The following TARBP1 variants were observed in gnomAD, a reference collection of about 807,000 sequenced individuals.
TARBP1 encodes the protein tRNA (guanosine(18)-2'-O)-methyltransferase TARBP1.
A neutral mutation model predicts 178.6 loss-of-function variants in TARBP1; 144 were observed. That is an observed-to-expected ratio of 0.81 (90% CI 0.70 to 0.93). The LOEUF is 0.93. TARBP1 is among the 40% of genes least tolerant of loss of function. The pLI is 0.00. For missense variants in TARBP1, 2,067 were observed against 2,011.7 expected, an observed-to-expected ratio of 1.03 and a Z score of -0.53; for synonymous variants, 787 against 781.0, an observed-to-expected ratio of 1.01 and a Z score of -0.13.
At chr1:234,463,071 C>A (rs577753489) in intron 6 of TARBP1, among the ~76,000 whole-genome samples, 1 of 152,076 alleles carries the variant, frequency 6.6e-6, no homozygotes, top group African/African-American at 2.4e-5. Context: ...ACATCTCCAA[C>A]CTGAAGATGG....
At chr1:234,392,956 T>C (rs12743891) in intron 28 of TARBP1, among the ~76,000 whole-genome samples, 1 of 152,178 alleles carries the variant, frequency 6.6e-6, no homozygotes. Flanking sequence ...CCTGAGCTTG[T>C]GATCCGCCCG....
chr1:234,409,963 C>T (rs1364734560), intron 23 of TARBP1, among the ~76,000 whole-genome samples: 1 of 152,128 alleles, frequency 6.6e-6, no homozygotes, highest in Non-Finnish European at 1.5e-5. Flanking sequence ...TTGTTCTAAA[C>T]CTGAGGAACA....
chr1:234,420,441 T>C (rs545193558), intron 21 of TARBP1, among the ~76,000 whole-genome samples: 6 of 152,120 alleles, frequency 3.9e-5, no homozygotes, highest in Non-Finnish European at 7.4e-5. Context: ...ACAGTTAAAA[T>C]GTCACATTAA....
Position 234,463,822 on chromosome 1 carries a change from T to G in TARBP1, c.1399+15A>C, listed in dbSNP as rs775118111. The G allele has an allele frequency of 1.4e-6, 2 of 1,467,842 alleles. No individual in the cohort carries two copies. The highest frequency in any genetic ancestry group is 2.9e-5 in the South Asian group (2 of 69,936). 90.9% of individuals were successfully genotyped at this position (1,467,842 alleles called of 1,614,324 possible). ...AGCTAAAGCATTTTTAAAAAAACCCTTTACTGACACATACTCTTTATTTCT... is the reference window on the plus strand; with the variant it reads ...AGCTAAAGCATTTTTAAAAAAACCCGTTACTGACACATACTCTTTATTTCT... On this transcript the variant is annotated intron_variant, in intron 6 of 29. Coordinates refer to ENST00000040877, the MANE Select transcript of TARBP1 (RefSeq NM_005646.4).
rs377225024 is a variant in TARBP1, at chr1:234,420,640, C to A, written c.3555+62G>T. ...TTAAAATAGTATATGATAGTTTCTG[C>A]AAAATAGTTCAGTCATGAAATCATA... On this transcript the variant is annotated intron_variant, in intron 21 of 29. Transcript: ENST00000040877. The A allele has an allele frequency of 5.5e-5, 59 of 1,081,530 alleles. No individual in the cohort carries two copies. The African/African-American group carries it at 7.8e-4, about 14-fold the overall frequency. 67.0% of individuals were successfully genotyped at this position (1,081,530 alleles called of 1,614,324 possible).
intron 21 of TARBP1, among the ~76,000 whole-genome samples, chr1:234,418,518 T>C (rs1444241791): frequency 1.3e-5 from 2 of 152,200 alleles, no homozygotes; most frequent in Non-Finnish European, 2.9e-5. Flanking sequence ...TGAATAACCC[T>C]CCCAAAGTCA....
chr1:234,408,059 C>T (rs1423998038), intron 23 of TARBP1: 3 of 152,158 alleles, frequency 2.0e-5, no homozygotes, highest in East Asian at 1.9e-4. Flanking sequence ...AGTGATCGCT[C>T]GGCTGGGGCT....
chr1:234,432,100 A>G (rs951142324), intron 14 of TARBP1, among the ~76,000 whole-genome samples: 1 of 148,414 alleles, frequency 6.7e-6, no homozygotes, highest in African/African-American at 2.5e-5. Flanking sequence ...GCACAACTGC[A>G]TTCCAGACTT....
chr1:234,444,541 G>A (rs1041628999), intron 12 of TARBP1, among the ~76,000 whole-genome samples: 7 of 152,018 alleles, frequency 4.6e-5, no homozygotes, highest in Admixed American at 2.6e-4. Context: ...GTGAATTCAC[G>A]ATCGCAACCT....
chr1:234,405,813 G>T, intron 24 of TARBP1, 90 bp downstream of exon 24: 1 of 1,255,514 alleles, frequency 8.0e-7, no homozygotes, highest in East Asian at 2.3e-5. Context: ...GGATGTGGAA[G>T]GAGAAGCTGA....
chr1:234,448,849 T>TA (rs1445010175), intron 10 of TARBP1, among the ~76,000 whole-genome samples: 4 of 152,170 alleles, frequency 2.6e-5, no homozygotes, highest in African/African-American at 9.7e-5. Context: ...TCATGGAATT[T>TA]AGAGTACAGG....
At chr1:234,402,458 G>A (rs898046865) in intron 24 of TARBP1, among the ~76,000 whole-genome samples, 6 of 152,078 alleles carry the variant, frequency 3.9e-5, no homozygotes, top group African/African-American at 1.4e-4. Context: ...AAAAGTTAAA[G>A]ACATGAAATA....
At chr1:234,395,357 A>C (rs1659820556) in intron 26 of TARBP1, among the ~76,000 whole-genome samples, 1 of 152,228 alleles carries the variant, frequency 6.6e-6, no homozygotes, top group African/African-American at 2.4e-5. Flanking sequence ...AAAACCATTA[A>C]GGGGCTTTTG....
intron 10 of TARBP1, 152 bp from the exon 11 acceptor site, chr1:234,448,731 T>C (rs1666436549): frequency 3.1e-6 from 2 of 638,262 alleles, no homozygotes; most frequent in Non-Finnish European, 5.4e-6. Flanking sequence ...CCCTAGAGCA[T>C]GGCTCATTAT....
intron 13 of TARBP1, among the ~76,000 whole-genome samples, chr1:234,435,559 G>A (rs1664926820): frequency 6.6e-6 from 1 of 152,190 alleles, no homozygotes; most frequent in East Asian, 1.9e-4. Flanking sequence ...AAAAGTAGTA[G>A]TTGAAAACAC....
rs1217303192 is a variant in TARBP1, at chr1:234,438,221, AT to A, written c.2135-850del. On this transcript the variant is annotated intron_variant, in intron 12 of 29. Transcript: ENST00000040877. ...AAGATTCAGAGTTTCATATTATAAT[AT>A]TCAAAACAGCTAGGATATAATCCAA... is the stretch of plus-strand genomic sequence containing the variant. 4.6e-5 allele frequency among the ~76,000 whole-genome samples: 7 copies of A among 152,350 alleles called. No individual in the cohort carries two copies. In the East Asian group the frequency reaches 1.4e-3, roughly 29 times the overall value.
At chr1:234,440,186 T>G (rs1665448347) in intron 12 of TARBP1, among the ~76,000 whole-genome samples, 1 of 152,104 alleles carries the variant, frequency 6.6e-6, no homozygotes, top group Non-Finnish European at 1.5e-5. Flanking sequence ...CCAAAATTTG[T>G]GGGATATAGT....
chr1:234,418,081 T>TA lies in TARBP1; in HGVS notation c.3705+2dup. Reference sequence around the variant, plus strand: ...AAATATATAAAAAATATTCTTTACTTACATAAGAAAAACAATCCCAGAACT... The same window carrying TA: ...AAATATATAAAAAATATTCTTTACTTAACATAAGAAAAACAATCCCAGAACT... On this transcript the variant is annotated splice_region_variant and intron_variant, in intron 22 of 29. Transcript: ENST00000040877. 2.3e-6 allele frequency: 3 copies of TA among 1,297,010 alleles called. No individual in the cohort carries two copies. Among genetic ancestry groups the TA allele is most frequent in the Non-Finnish European group, 3.1e-6 (3 of 969,238 alleles). The allele number at this position is 1,297,010 out of a possible 1,614,324, so 80.3% of individuals were successfully genotyped here. A position where few individuals can be genotyped will look rare whatever the true frequency, so the allele number is the denominator to read the frequency against.
chr1:234,420,815 G>A lies in TARBP1; in HGVS notation c.3445-3C>T. On this transcript the variant is annotated splice_polypyrimidine_tract_variant and splice_region_variant and intron_variant, in intron 20 of 29. Transcript: ENST00000040877. ...TTGGACTTGGACACTAATTCATCCT[G>A]GAAAGGAGAAGGGAGGGAGTCAACA... 6.5e-7 allele frequency: 1 copy of A among 1,544,220 alleles called. No individual in the cohort carries two copies.
Sources: gnomAD v4.1 joint callset for allele counts (sites outside exome capture counted in the v4.1 genomes callset) on GRCh38, gnomAD v4.1.1 for gene constraint, MANE v1.5 for transcripts, NCBI Gene and HGNC (gene_info 2026-07-23, HGNC 2026-07-21) for gene names.